Variants in PSMD1 observed in about 807,000 individuals in gnomAD.
PSMD1 encodes the protein proteasome 26S subunit, non-ATPase 1.
In PSMD1, 18 loss-of-function variants were observed where a neutral mutation model predicts 119.0. The ratio of observed to expected loss-of-function variants is 0.15; its 90% CI spans 0.10 to 0.22. The LOEUF is 0.22. PSMD1 is among the 10% of genes least tolerant of loss of function. The probability of loss-of-function intolerance (pLI) is 1.00; values close to 1 mark genes in which losing one functional copy is unlikely to be tolerated. For missense variants in PSMD1, 702 were observed against 1,158.5 expected (o/e 0.61, Z 5.72); for synonymous variants, 374 against 396.6 (o/e 0.94, Z 0.68).
intron 6 of PSMD1, among the ~76,000 whole-genome samples, chr2:231,070,475 A>G (rs571619651): frequency 6.6e-6 from 1 of 152,284 alleles, no homozygotes; most frequent in Non-Finnish European, 1.5e-5. Flanking sequence ...TTAAAAAGCT[A>G]GAAGATTAAA....
intron 16 of PSMD1, among the ~76,000 whole-genome samples, chr2:231,095,243 T>C (rs1694696257): frequency 6.6e-6 from 1 of 152,220 alleles, no homozygotes; most frequent in Non-Finnish European, 1.5e-5. Context: ...TTATCAGTAG[T>C]CATGCCCAAG....
At chr2:231,060,363 C>T (rs756513065) in intron 1 of PSMD1, 3 of 152,210 alleles carry the variant, frequency 2.0e-5, no homozygotes, top group Admixed American at 6.5e-5. Flanking sequence ...GAAATGGCTA[C>T]ATCTAACTAA....
rs538667938 is a variant in PSMD1 at position 231,097,451 on chromosome 2, T to C, written c.1883+10270T>C. The stretch of plus-strand genomic sequence containing the variant: ...TGTTGTTTGGGATAAAGGTGCAACA[T>C]TGAGTTTTAATCATGACACAAACTC... On this transcript the variant is annotated intron_variant, in intron 16 of 24. Transcript: ENST00000308696. Among the ~76,000 whole-genome samples the C allele has an allele frequency of 1.6e-3, 244 of 152,344 alleles. 3 individuals carry two copies. Among genetic ancestry groups the C allele is most frequent in the African/African-American group, 5.4e-3 (224 of 41,580 alleles).
intron 12 of PSMD1, among the ~76,000 whole-genome samples, chr2:231,081,430 C>T (rs1189786700): frequency 6.6e-6 from 1 of 152,122 alleles, no homozygotes; most frequent in Non-Finnish European, 1.5e-5. Context: ...AACTAGTTCT[C>T]ACAAAGGTTA....
intron 16 of PSMD1, among the ~76,000 whole-genome samples, chr2:231,092,961 G>A (rs1694634070): frequency 6.6e-6 from 1 of 152,198 alleles, no homozygotes; most frequent in Non-Finnish European, 1.5e-5. Flanking sequence ...GAGGATAGTG[G>A]AGTGATATAT....
At chr2:231,081,252 T>TC (rs1164862256) in intron 12 of PSMD1, among the ~76,000 whole-genome samples, 1 of 151,862 alleles carries the variant, frequency 6.6e-6, no homozygotes, top group Admixed American at 6.6e-5. Context: ...TTACCTTATT[T>TC]CCCCTGGTCT....
At chr2:231,169,364 G>C (rs558920513) in intron 23 of PSMD1, among the ~76,000 whole-genome samples, 29 of 152,278 alleles carry the variant, frequency 1.9e-4, no homozygotes, top group African/African-American at 6.7e-4. Flanking sequence ...AAACTTTTAG[G>C]CTATGGAGGA....
chr2:231,109,743 A>T (rs1256250531), intron 16 of PSMD1, among the ~76,000 whole-genome samples: 1 of 152,184 alleles, frequency 6.6e-6, no homozygotes, highest in Non-Finnish European at 1.5e-5. Flanking sequence ...GCTATCTCAG[A>T]TTAAGGAAGA....
Position 231,170,844 on chromosome 2 carries a change from T to C in PSMD1, c.*9+123T>C, listed in dbSNP as rs1696896102. 1.9e-6 allele frequency: 2 copies of C among 1,056,982 alleles called. No individual in the cohort carries two copies. Among genetic ancestry groups the C allele is most frequent in the Admixed American group, 3.3e-5 (1 of 30,620 alleles). 65.5% of individuals were successfully genotyped at this position (1,056,982 alleles called of 1,614,324 possible). A position where few individuals can be genotyped will look rare whatever the true frequency, so the allele number is the denominator to read the frequency against. On this transcript the variant is annotated intron_variant, in intron 24 of 24. Transcript: ENST00000308696. The surrounding 1 kb of genome is among the most constrained non-coding windows in gnomAD (Gnocchi z 4.1). ...GTTTAATCCTTATTTACCTAAACAG[T>C]ATTAAAACTTCCCCGTTTCAACCTT...
intron 16 of PSMD1, among the ~76,000 whole-genome samples, chr2:231,127,806 T>C (rs141186911): frequency 1.1e-4 from 16 of 152,262 alleles, no homozygotes; most frequent in African/African-American, 3.9e-4. Flanking sequence ...TATAAAAGTA[T>C]GATTCTTAAT....
At position 231,110,222 on chromosome 2, in the gene PSMD1, AGGT is replaced by A. The variant is rs373085523; in HGVS notation, c.1883+23044_1883+23046del. 7.3e-4 allele frequency among the ~76,000 whole-genome samples: 111 copies of A among 152,258 alleles called. 2 individuals are homozygous for A. In the East Asian group the frequency reaches 0.02, roughly 28 times the overall value. ...GTACTCCCAGCTACTCAGGAGGCTA[AGGT>A]GGGAGAATCACTTGAACCCAGGAGG... On this transcript the variant is annotated intron_variant, in intron 16 of 24. Transcript: ENST00000308696.
chr2:231,080,431 G>A (rs1694282254), intron 12 of PSMD1, 117 bp downstream of exon 12: 1 of 834,798 alleles, frequency 1.2e-6, no homozygotes, highest in Non-Finnish European at 1.7e-6. Context: ...CAAAACAACT[G>A]TCATCTTGGA....
intron 16 of PSMD1, among the ~76,000 whole-genome samples, chr2:231,113,338 T>G (rs917572646): frequency 6.6e-6 from 1 of 151,878 alleles, no homozygotes; most frequent in Non-Finnish European, 1.5e-5. Flanking sequence ...TCTTTTAAAA[T>G]GTGATTTAAG....
At chr2:231,080,338 A>G (rs961872555) in intron 12 of PSMD1, 24 bp downstream of exon 12, 10 of 1,510,540 alleles carry the variant, frequency 6.6e-6, no homozygotes, top group Non-Finnish European at 9.0e-6. Flanking sequence ...TGGAAAACTA[A>G]ATTTCCAAAA....
chr2:231,144,123 A>G (rs1012167103), intron 17 of PSMD1, among the ~76,000 whole-genome samples: 1 of 152,164 alleles, frequency 6.6e-6, no homozygotes, highest in Admixed American at 6.5e-5. Flanking sequence ...AGGGTCAACT[A>G]TGTTGCGCAG....
intron 10 of PSMD1, 29 bp downstream of exon 10, chr2:231,078,776 G>A: frequency 1.1e-6 from 1 of 921,384 alleles, no homozygotes; most frequent in South Asian, 2.0e-5. Context: ...TTTCACTTTG[G>A]TTCAAAATCT....
intron 16 of PSMD1, among the ~76,000 whole-genome samples, chr2:231,112,955 A>T (rs1213712382): frequency 2.6e-5 from 4 of 152,116 alleles, no homozygotes; most frequent in African/African-American, 9.7e-5. Context: ...GCCAGAGCTC[A>T]AGAGTTTGAG....
At chr2:231,080,558 AAT>A (rs1377233852) in intron 12 of PSMD1, among the ~76,000 whole-genome samples, 1 of 152,130 alleles carries the variant, frequency 6.6e-6, no homozygotes, top group Non-Finnish European at 1.5e-5. Context: ...TTCATCTTAA[AAT>A]GTTACAACTA....
intron 16 of PSMD1, among the ~76,000 whole-genome samples, chr2:231,112,777 G>A (rs562467698): frequency 4.6e-5 from 7 of 152,286 alleles, no homozygotes; most frequent in African/African-American, 1.4e-4. Flanking sequence ...GTACAGGGCC[G>A]TAAGACGATT....
Sources: gnomAD v4.1 joint callset for allele counts (sites outside exome capture counted in the v4.1 genomes callset) on GRCh38, gnomAD v4.1.1 for gene constraint, Gnocchi (gnomAD v3.1) non-coding constraint, MANE v1.5 for transcripts, NCBI Gene and HGNC (gene_info 2026-07-23, HGNC 2026-07-21) for gene names.